BMPER: variants seen among roughly 807,000 people sequenced by gnomAD.
BMPER encodes BMP binding endothelial regulator.
A neutral mutation model predicts 87.3 loss-of-function variants in BMPER; 45 were observed. The ratio of observed to expected loss-of-function variants is 0.52; its 90% CI spans 0.41 to 0.66. The LOEUF (loss-of-function observed/expected upper bound fraction) is 0.66. Ranked by LOEUF, BMPER falls within the 30% of genes least tolerant of loss-of-function variation. The probability of loss-of-function intolerance (pLI) is 0.00; values close to 1 mark genes in which losing one functional copy is unlikely to be tolerated. For missense variants in BMPER, 784 were observed against 867.5 expected (o/e 0.90, Z 1.21); for synonymous variants, 326 against 316.2 (o/e 1.03, Z -0.33).
chr7:33,946,716 C>T (rs1784902304), intron 3 of BMPER, among the ~76,000 whole-genome samples: 1 of 152,120 alleles, frequency 6.6e-6, no homozygotes, highest in Non-Finnish European at 1.5e-5. Flanking sequence ...ACTTATTTTC[C>T]TCCGAAAAAG....
At chr7:33,965,604 A>G (rs1298556412) in intron 3 of BMPER, among the ~76,000 whole-genome samples, 2 of 152,204 alleles carry the variant, frequency 1.3e-5, no homozygotes, top group Non-Finnish European at 2.9e-5. Context: ...AATCCAGACT[A>G]TGTATTGGTA....
intron 6 of BMPER, among the ~76,000 whole-genome samples, chr7:34,001,613 G>A (rs1253340115): frequency 7.2e-6 from 1 of 139,410 alleles, no homozygotes; most frequent in East Asian, 2.1e-4. Flanking sequence ...CAATTTTGTT[G>A]AAATTTTAAA....
Position 34,153,250 on chromosome 7 carries a change from C to A in BMPER, c.2035C>A (p.Pro679Thr). The A allele has an allele frequency of 6.2e-7, 1 of 1,614,038 alleles. No individual in the cohort carries two copies. Residue 679 changes from proline to threonine, a missense_variant, in exon 15 of 15, where the codon CCA (proline) becomes ACA (threonine). Pro to Thr is a conservative substitution (Grantham distance 38, BLOSUM62 -1). Transcript: ENST00000649409. Reference protein sequence around the residue: ...LVLHKGRCIKPVLCPQR With the variant: ...LVLHKGRCIKTVLCPQR ...CCTTCACAAGGGAAGGTGCATCAAG[C>A]CAGTCCTTTGTCCCCAGCGGTGACC...
At chr7:34,115,004 A>G (rs1790072548) in intron 13 of BMPER, among the ~76,000 whole-genome samples, 2 of 152,260 alleles carry the variant, frequency 1.3e-5, no homozygotes, top group Non-Finnish European at 1.5e-5. Context: ...TCAATTAGCA[A>G]TTACCAAGTA....
intron 13 of BMPER, among the ~76,000 whole-genome samples, chr7:34,141,283 T>C (rs1339979049): frequency 6.6e-6 from 1 of 152,074 alleles, no homozygotes; most frequent in East Asian, 1.9e-4. Context: ...TTTCCCAAGA[T>C]TTCTATAATA....
At chr7:34,141,610 C>CA (rs70997567) in intron 13 of BMPER, among the ~76,000 whole-genome samples, 16,671 of 54,570 alleles carry the variant, frequency 0.31, 2,742 homozygotes, top group Non-Finnish European at 0.37. Flanking sequence ...AACACCATCT[C>CA]AAAAAAAAAA....
chr7:33,939,947 T>G (rs779220893), intron 3 of BMPER: 19 of 305,774 alleles, frequency 6.2e-5, no homozygotes, highest in Non-Finnish European at 1.3e-4. Context: ...TACCTCGTAA[T>G]ACAGTGCTTG....
At chr7:34,002,792 T>C (rs1585726473) in intron 6 of BMPER, among the ~76,000 whole-genome samples, 1 of 151,822 alleles carries the variant, frequency 6.6e-6, no homozygotes, top group East Asian at 1.9e-4. Flanking sequence ...ATTTTTGTCT[T>C]AAAGACTTTT....
Position 34,156,221 on chromosome 7 carries a change from G to A in BMPER, c.*2948G>A, listed in dbSNP as rs1030298054. On this transcript the variant is annotated 3_prime_UTR_variant, in exon 15 of 15. Transcript: ENST00000649409. Reference sequence around the variant, plus strand: ...CCAGGAGGTTGACTAGCTTCTCCCAGCTTTCACTGAAACACGGATAAACCA... The same window carrying A: ...CCAGGAGGTTGACTAGCTTCTCCCAACTTTCACTGAAACACGGATAAACCA... Among the ~76,000 whole-genome samples, 44 of 152,130 alleles carry A rather than the reference G, an allele frequency of 2.9e-4. No individual in the cohort carries two copies. The highest frequency in any genetic ancestry group is 8.5e-4 in the African/African-American group (35 of 41,416).
At chr7:34,102,228 A>C (rs1047518179) in intron 13 of BMPER, among the ~76,000 whole-genome samples, 1 of 152,042 alleles carries the variant, frequency 6.6e-6, no homozygotes, top group Non-Finnish European at 1.5e-5. Flanking sequence ...TCATGGTTAT[A>C]GCTTCGGAGA....
At chr7:33,983,308 TG>T (rs1785912417) in intron 6 of BMPER, among the ~76,000 whole-genome samples, 2 of 152,182 alleles carry the variant, frequency 1.3e-5, no homozygotes, top group Admixed American at 6.5e-5. Context: ...TGAAATATTC[TG>T]TAAAGCTATT....
intron 6 of BMPER, among the ~76,000 whole-genome samples, chr7:34,002,977 C>T (rs998145774): frequency 6.6e-6 from 1 of 151,514 alleles, no homozygotes; most frequent in African/African-American, 2.4e-5. Context: ...CCAGTCTCTG[C>T]TTTTTGATTG....
At position 33,913,602 on chromosome 7, in the gene BMPER, C is replaced by T. The variant is rs910180222; in HGVS notation, c.219+6699C>T. ...TCTTTTGAATTTCTTTGACTACATT[C>T]CAGTTCTAGAGTATTTACGTGAATA... On this transcript the variant is annotated intron_variant, in intron 2 of 14. Coordinates refer to ENST00000649409, the MANE Select transcript of BMPER (RefSeq NM_001365308.1). Among the ~76,000 whole-genome samples, 5 of 151,924 alleles carry T rather than the reference C, an allele frequency of 3.3e-5. No individual in the cohort carries two copies. In the East Asian group the frequency reaches 9.7e-4, roughly 29 times the overall value.
At chr7:33,943,672 G>T (rs1048040587) in intron 3 of BMPER, among the ~76,000 whole-genome samples, 1 of 152,198 alleles carries the variant, frequency 6.6e-6, no homozygotes, top group Non-Finnish European at 1.5e-5. Context: ...TTCCCTGAGA[G>T]TTTTTAAGCC....
At chr7:33,925,001 C>T (rs1165434206) in intron 2 of BMPER, among the ~76,000 whole-genome samples, 3 of 152,188 alleles carry the variant, frequency 2.0e-5, no homozygotes, top group Admixed American at 6.5e-5. Context: ...AACAGCCTCA[C>T]ACCTTGTTAT....
intron 7 of BMPER, among the ~76,000 whole-genome samples, chr7:34,051,167 A>T (rs1788138703): frequency 6.6e-6 from 1 of 152,134 alleles, no homozygotes; most frequent in South Asian, 2.1e-4. Context: ...AAGGGCACTA[A>T]TCTAAGTCAT....
intron 6 of BMPER, among the ~76,000 whole-genome samples, chr7:33,992,250 C>A (rs942772249): frequency 7.6e-6 from 1 of 131,560 alleles, no homozygotes; most frequent in African/African-American, 3.0e-5. Context: ...GTGTGGGAGT[C>A]TAAGTCTCTT....
At chr7:34,127,343 C>T (rs964290059) in intron 13 of BMPER, among the ~76,000 whole-genome samples, 2 of 152,176 alleles carry the variant, frequency 1.3e-5, no homozygotes, top group African/African-American at 4.8e-5. Context: ...ATGGAGCTGG[C>T]TTCTATTGTC....
At chr7:34,133,354 G>A (rs935300272) in intron 13 of BMPER, among the ~76,000 whole-genome samples, 6 of 152,148 alleles carry the variant, frequency 3.9e-5, no homozygotes, top group Admixed American at 3.9e-4. Flanking sequence ...AGGGTTTGGG[G>A]AGCTTCTGGA....
Sources: gnomAD v4.1 joint callset for allele counts (sites outside exome capture counted in the v4.1 genomes callset) on GRCh38, gnomAD v4.1.1 for gene constraint, MANE v1.5 for transcripts, NCBI Gene and HGNC (gene_info 2026-07-23, HGNC 2026-07-21) for gene names.